The following ZZZ3 variants were observed in gnomAD, a reference collection of about 807,000 sequenced individuals.
ZZZ3 encodes the protein ZZ-type zinc finger-containing protein 3.
ZZZ3 carries 22 observed loss-of-function variants against 95.2 expected under a neutral mutation model. The ratio of observed to expected loss-of-function variants is 0.23; its 90% CI spans 0.17 to 0.33. The LOEUF is 0.33. Among genes scored for constraint, ZZZ3 ranks in the 10% least tolerant of loss-of-function variants. ZZZ3 has a pLI of 1.00. For synonymous variants in ZZZ3, 335 were observed against 358.9 expected (o/e 0.93, Z 0.75); for missense variants, 885 against 1,066.5 (o/e 0.83, Z 2.37).
chr1:77,648,441 A>G (rs941513791), intron 1 of ZZZ3, among the ~76,000 whole-genome samples: 16 of 150,932 alleles, frequency 1.1e-4, no homozygotes, highest in African/African-American at 3.7e-4. Flanking sequence ...ACTGTACATG[A>G]CAGTCACTAG....
In ZZZ3 at chr1:77,663,163, G is replaced by T. The variant is rs554960517; in HGVS notation, c.-403+19422C>A. Among the ~76,000 whole-genome samples, 4 of 152,088 alleles carry T rather than the reference G, an allele frequency of 2.6e-5. No homozygotes were observed. In the East Asian group the frequency reaches 7.7e-4, roughly 29 times the overall value. ...AACTGTTCCAGATTAAAGGAGACTG[G>T]AGAGACATGAAATCAAATGCAATGT... On this transcript the variant is annotated intron_variant, in intron 1 of 14. Coordinates refer to ENST00000370801, the MANE Select transcript of ZZZ3 (RefSeq NM_015534.6).
intron 5 of ZZZ3, among the ~76,000 whole-genome samples, chr1:77,591,499 G>A (rs116816985): frequency 0.025 from 3,734 of 152,200 alleles, 120 homozygotes; most frequent in African/African-American, 0.086. Context: ...ATAGCACCAT[G>A]CCTGGCTAAT....
intron 5 of ZZZ3, among the ~76,000 whole-genome samples, chr1:77,609,563 T>G (rs945201493): frequency 3.9e-5 from 6 of 152,104 alleles, no homozygotes; most frequent in Non-Finnish European, 8.8e-5. Context: ...TACAGAACAT[T>G]TCATCCAATG....
At chr1:77,570,591 T>C (rs1661279013) in intron 12 of ZZZ3, among the ~76,000 whole-genome samples, 1 of 151,998 alleles carries the variant, frequency 6.6e-6, no homozygotes, top group African/African-American at 2.4e-5. Context: ...GAATAAAAGA[T>C]TCTTCACAAT....
At chr1:77,648,772 A>G (rs1043451149) in intron 1 of ZZZ3, among the ~76,000 whole-genome samples, 1 of 152,326 alleles carries the variant, frequency 6.6e-6, no homozygotes, top group Middle Eastern at 3.4e-3. Context: ...AGAAGCAGAA[A>G]AAATACTGTA....
At chr1:77,574,104 CTATAGA>C (rs1353789115) in intron 12 of ZZZ3, among the ~76,000 whole-genome samples, 2 of 146,216 alleles carry the variant, frequency 1.4e-5, no homozygotes, top group Non-Finnish European at 3.0e-5. Context: ...ATATATATAT[CTATAGA>C]TATAGATATA....
At chr1:77,623,887 A>G (rs1667100686) in intron 5 of ZZZ3, among the ~76,000 whole-genome samples, 1 of 152,178 alleles carries the variant, frequency 6.6e-6, no homozygotes, top group Non-Finnish European at 1.5e-5. Flanking sequence ...AAAAGAAATA[A>G]AAGTTAAACA....
At chr1:77,675,771 A>G (rs1484795731) in intron 1 of ZZZ3, among the ~76,000 whole-genome samples, 2 of 152,208 alleles carry the variant, frequency 1.3e-5, no homozygotes, top group Non-Finnish European at 2.9e-5. Flanking sequence ...AACAAACATA[A>G]ATACCTTTTT....
intron 12 of ZZZ3, 97 bp downstream of exon 12, chr1:77,575,971 A>T: frequency 9.3e-7 from 1 of 1,074,158 alleles, no homozygotes; most frequent in Non-Finnish European, 1.3e-6. Context: ...CTTGTTCATT[A>T]AAAGAAACCA....
intron 13 of ZZZ3, among the ~76,000 whole-genome samples, chr1:77,566,831 G>T (rs541272524): frequency 6.6e-6 from 1 of 152,278 alleles, no homozygotes; most frequent in East Asian, 1.9e-4. Context: ...TCCTCAGTGT[G>T]TTCTGTGCAC....
At chr1:77,608,422 A>G (rs1286944456) in intron 5 of ZZZ3, among the ~76,000 whole-genome samples, 3 of 152,242 alleles carry the variant, frequency 2.0e-5, no homozygotes, top group Non-Finnish European at 4.4e-5. Flanking sequence ...TGCTTTAAAC[A>G]TGAAGGAGAA....
intron 5 of ZZZ3, among the ~76,000 whole-genome samples, chr1:77,597,525 G>T (rs369052463): frequency 1.3e-5 from 2 of 152,022 alleles, no homozygotes; most frequent in South Asian, 2.1e-4. Flanking sequence ...CCTCAGCTGG[G>T]TGATTAAAGT....
intron 4 of ZZZ3, among the ~76,000 whole-genome samples, chr1:77,636,892 T>G (rs889596100): frequency 6.6e-6 from 1 of 152,196 alleles, no homozygotes; most frequent in Non-Finnish European, 1.5e-5. Flanking sequence ...TTTATTTCAC[T>G]CAATAACTAG....
intron 5 of ZZZ3, among the ~76,000 whole-genome samples, chr1:77,602,346 C>G (rs575850290): frequency 6.6e-6 from 1 of 152,268 alleles, no homozygotes; most frequent in South Asian, 2.1e-4. Flanking sequence ...ATGTATTTAT[C>G]TCTCAATTAT....
chr1:77,656,694 A>G lies in ZZZ3; in HGVS notation c.-402-15039T>C, dbSNP rs146472800. On this transcript the variant is annotated intron_variant, in intron 1 of 14. Coordinates refer to ENST00000370801, the MANE Select transcript of ZZZ3 (RefSeq NM_015534.6). ...AGAGGGCACAAAAATTTTTACCAGC[A>G]TATTAACCAACCTCTAAGCTGGACT... Among the ~76,000 whole-genome samples, 31 of 152,338 alleles carry G rather than the reference A, an allele frequency of 2.0e-4. No homozygotes were observed. In the East Asian group the frequency reaches 5.8e-3, roughly 28 times the overall value.
At chr1:77,639,079 G>T (rs779151094) in intron 4 of ZZZ3, among the ~76,000 whole-genome samples, 20 of 152,012 alleles carry the variant, frequency 1.3e-4, no homozygotes, top group Non-Finnish European at 2.1e-4. Context: ...AGGTAGGTAG[G>T]TAGGTAGGTA....
Position 77,576,122 on chromosome 1 carries a change from ATCT to A in ZZZ3, c.2274_2276del (p.Glu758del). Reference sequence around the variant, plus strand: ...GGCTATGAAAACAAGATCGGTCATCATCTTCATCCATATACACTGGCGGTTCAT... The same window carrying A: ...GGCTATGAAAACAAGATCGGTCATCATCATCCATATACACTGGCGGTTCAT... On this transcript the variant is annotated inframe_deletion, in exon 12 of 15. Coordinates refer to ENST00000370801, the MANE Select transcript of ZZZ3 (RefSeq NM_015534.6). 6.2e-7 allele frequency: 1 copy of A among 1,613,202 alleles called. No homozygotes were observed. Among genetic ancestry groups the A allele is most frequent in the Non-Finnish European group, 8.5e-7 (1 of 1,179,796 alleles).
chr1:77,595,250 G>T (rs1664109988), intron 5 of ZZZ3, among the ~76,000 whole-genome samples: 1 of 152,004 alleles, frequency 6.6e-6, no homozygotes, highest in Admixed American at 6.5e-5. Flanking sequence ...CCTAGAATTT[G>T]CCAGAGTTTT....
intron 1 of ZZZ3, among the ~76,000 whole-genome samples, chr1:77,665,193 C>T (rs1254048351): frequency 1.3e-5 from 2 of 152,184 alleles, no homozygotes; most frequent in Non-Finnish European, 2.9e-5. Context: ...AACTTCAATT[C>T]AGAAGAAACC....
Sources: gnomAD v4.1 joint callset for allele counts (sites outside exome capture counted in the v4.1 genomes callset) on GRCh38, gnomAD v4.1.1 for gene constraint, MANE v1.5 for transcripts, NCBI Gene and HGNC (gene_info 2026-07-23, HGNC 2026-07-21) for gene names.